Variants in MARCHF7 observed in about 807,000 individuals in gnomAD.
MARCHF7 encodes the protein membrane associated ring-CH-type finger 7.
Under a neutral mutation model 76.5 loss-of-function variants are expected in MARCHF7, and 20 were observed. The observed-to-expected ratio is 0.26, with a 90% CI of 0.18 to 0.38. MARCHF7 has a LOEUF of 0.38. Ranked by LOEUF, MARCHF7 falls within the 10% of genes least tolerant of loss-of-function variation. The pLI is 1.00. For synonymous variants in MARCHF7, 295 were observed against 293.0 expected, an observed-to-expected ratio of 1.01 and a Z score of -0.07; for missense variants, 797 against 812.9, an observed-to-expected ratio of 0.98 and a Z score of 0.24.
chr2:159,762,839 C>A (rs180901737), intron 9 of MARCHF7, 41 bp from the exon 10 acceptor site: 3 of 1,214,080 alleles, frequency 2.5e-6, no homozygotes, highest in Admixed American at 1.9e-5. Flanking sequence ...ATTTTTCATT[C>A]TCTGTATTTT....
intron 4 of MARCHF7, chr2:159,733,457 C>G (rs1424560244): frequency 1.1e-6 from 1 of 881,340 alleles, no homozygotes; most frequent in Non-Finnish European, 1.4e-6. Flanking sequence ...AGGCTGGTCT[C>G]GAACTTAGGA....
intron 4 of MARCHF7, among the ~76,000 whole-genome samples, chr2:159,741,680 A>G (rs940958422): frequency 1.3e-5 from 2 of 152,196 alleles, no homozygotes; most frequent in African/African-American, 4.8e-5. Context: ...GATGCATTCC[A>G]TTTTAACTCT....
intron 4 of MARCHF7, among the ~76,000 whole-genome samples, chr2:159,730,667 T>C (rs191458419): frequency 1.3e-3 from 196 of 152,298 alleles, no homozygotes; most frequent in Non-Finnish European, 1.8e-3. Context: ...TATTTTGCCT[T>C]CTGTAGAAAT....
At chr2:159,713,196 G>T (rs1452243923) in intron 1 of MARCHF7, among the ~76,000 whole-genome samples, 8 of 152,216 alleles carry the variant, frequency 5.3e-5, no homozygotes, top group African/African-American at 1.9e-4. Flanking sequence ...GTGTTGTGGT[G>T]AATTGTGGGT....
At chr2:159,755,553 G>C (rs2125666128) in intron 8 of MARCHF7, among the ~76,000 whole-genome samples, 1 of 152,212 alleles carries the variant, frequency 6.6e-6, no homozygotes, top group Non-Finnish European at 1.5e-5. Flanking sequence ...GGCTATAGAA[G>C]CATATATATA....
chr2:159,742,962 GA>G (rs1277264034), intron 4 of MARCHF7, 98 bp from the exon 5 acceptor site: 52 of 1,107,766 alleles, frequency 4.7e-5, no homozygotes, highest in Non-Finnish European at 3.0e-5. Flanking sequence ...CTACGTGGTA[GA>G]AAAATTGATG....
chr2:159,718,863 G>A (rs1351650716), intron 3 of MARCHF7, among the ~76,000 whole-genome samples: 4 of 152,088 alleles, frequency 2.6e-5, no homozygotes, highest in African/African-American at 9.7e-5. Context: ...AGGCAAGGAG[G>A]TAGCATATGT....
rs369044198 is a variant in MARCHF7 at position 159,765,107 on chromosome 2, G to C, written c.2056+433G>C. Among the ~76,000 whole-genome samples the C allele has an allele frequency of 2.3e-4, 35 of 152,036 alleles. 1 individual carries two copies. The South Asian group carries it at 7.1e-3, about 31-fold the overall frequency. Reference sequence around the variant, plus strand: ...ATTCCTGGGCTTACCTATGATTCCAGGAAAATATGGGACAAGGAGTCCTAA... The same window carrying C: ...ATTCCTGGGCTTACCTATGATTCCACGAAAATATGGGACAAGGAGTCCTAA... On this transcript the variant is annotated intron_variant, in intron 11 of 11. Transcript: ENST00000409175.
In MARCHF7 at chr2:159,743,247, T is replaced by C; in HGVS notation, c.340T>C (p.Leu114=). The change falls in exon 5 of 12, where the codon TTA becomes CTA. Residue 114 remains leucine, a synonymous_variant. Coordinates refer to ENST00000409175, the MANE Select transcript of MARCHF7 (RefSeq NM_001282805.2). ...AAATGTTGGAAATGGTTTAAACACA[T>C]TATCAGGTAAGAATGAGTTTCTGTA... ...GRNVGNGLNT[L]SDSSWRHSQV... is the part of the protein sequence containing the mutation. 1 of 1,613,006 alleles carries C rather than the reference T, an allele frequency of 6.2e-7. No homozygotes were observed. The highest frequency in any genetic ancestry group is 8.5e-7 in the Non-Finnish European group (1 of 1,179,336).
chr2:159,721,395 G>T (rs997550241), intron 3 of MARCHF7, among the ~76,000 whole-genome samples: 1 of 152,124 alleles, frequency 6.6e-6, no homozygotes, highest in Non-Finnish European at 1.5e-5. Context: ...TGTTGAATTG[G>T]TATGAATACA....
At chr2:159,731,090 C>T (rs1702734426) in intron 4 of MARCHF7, among the ~76,000 whole-genome samples, 3 of 152,138 alleles carry the variant, frequency 2.0e-5, no homozygotes, top group South Asian at 2.1e-4. Flanking sequence ...GATGGGGTTT[C>T]GCTATGTTGC....
chr2:159,764,016 ATGAATAAACCAT>A (rs1285037490), intron 10 of MARCHF7, among the ~76,000 whole-genome samples: 1 of 152,198 alleles, frequency 6.6e-6, no homozygotes, highest in Admixed American at 6.5e-5. Context: ...AGTCTTCAGG[ATGAATAAACCAT>A]ATAAAACATT....
chr2:159,738,728 G>A (rs1463421464), intron 4 of MARCHF7, among the ~76,000 whole-genome samples: 1 of 152,206 alleles, frequency 6.6e-6, no homozygotes, highest in Non-Finnish European at 1.5e-5. Context: ...GAGGCAATGG[G>A]TGGGCCTGGG....
chr2:159,717,469 C>G (rs143369811), intron 3 of MARCHF7, among the ~76,000 whole-genome samples: 105 of 152,094 alleles, frequency 6.9e-4, no homozygotes, highest in African/African-American at 2.3e-3. Context: ...TACATGGAAG[C>G]TCATTATTGG....
Position 159,769,399 on chromosome 2 carries a change from T to C in MARCHF7, c.*2057T>C, listed in dbSNP as rs1209428210. On this transcript the variant is annotated 3_prime_UTR_variant, in exon 12 of 12. Coordinates refer to ENST00000409175, the MANE Select transcript of MARCHF7 (RefSeq NM_001282805.2). Reference sequence around the variant, plus strand: ...GGCTCACGCATGTAATCCCAGCACTTTGGGAGACCAAGGTGGGTGGATCAC... The same window carrying C: ...GGCTCACGCATGTAATCCCAGCACTCTGGGAGACCAAGGTGGGTGGATCAC... The C allele has an allele frequency of 1.3e-5, 2 of 152,202 alleles. No individual in the cohort carries two copies. The highest frequency in any genetic ancestry group is 4.8e-5 in the African/African-American group (2 of 41,426). 9.4% of individuals were successfully genotyped at this position (152,202 alleles called of 1,614,324 possible).
intron 5 of MARCHF7, among the ~76,000 whole-genome samples, chr2:159,744,458 C>A (rs549096377): frequency 1.3e-5 from 2 of 152,288 alleles, no homozygotes; most frequent in Non-Finnish European, 2.9e-5. Context: ...TTGAAAAGAT[C>A]TTTTGTTGAA....
chr2:159,751,216 G>A (rs1030059283), intron 7 of MARCHF7, among the ~76,000 whole-genome samples: 13 of 152,128 alleles, frequency 8.5e-5, no homozygotes, highest in South Asian at 2.1e-4. Context: ...AGAGCAAAGC[G>A]TTACTTTAGT....
chr2:159,742,977 G>A, intron 4 of MARCHF7, 84 bp from the exon 5 acceptor site: 1 of 1,200,344 alleles, frequency 8.3e-7, no homozygotes, highest in Non-Finnish European at 1.2e-6. Flanking sequence ...ATTGATGCTT[G>A]TGGGAATTTA....
At chr2:159,743,354 A>G in intron 5 of MARCHF7, 101 bp downstream of exon 5, 1 of 1,077,244 alleles carries the variant, frequency 9.3e-7, no homozygotes, top group Non-Finnish European at 1.3e-6. Context: ...ATATGAAGAC[A>G]GTGGGTCAGA....
Sources: gnomAD v4.1 joint callset for allele counts (sites outside exome capture counted in the v4.1 genomes callset) on GRCh38, gnomAD v4.1.1 for gene constraint, MANE v1.5 for transcripts, NCBI Gene and HGNC (gene_info 2026-07-23, HGNC 2026-07-21) for gene names.